The following CNTNAP2 variants were observed in gnomAD, a reference collection of about 807,000 sequenced individuals.
The protein encoded by CNTNAP2 is contactin-associated protein-like 2.
CNTNAP2 carries 98 observed loss-of-function variants against 155.2 expected under a neutral mutation model. That is an observed-to-expected ratio of 0.63 (90% CI 0.54 to 0.75). CNTNAP2 has a LOEUF of 0.75. Among genes scored for constraint, CNTNAP2 ranks in the 30% least tolerant of loss-of-function variants. The probability of loss-of-function intolerance (pLI) is 0.00; values close to 1 mark genes in which losing one functional copy is unlikely to be tolerated. For synonymous variants in CNTNAP2, 651 were observed against 631.2 expected (o/e 1.03, Z -0.47); for missense variants, 1,727 against 1,688.1 (o/e 1.02, Z -0.40).
intron 21 of CNTNAP2, among the ~76,000 whole-genome samples, chr7:148,375,314 TATAAA>T (rs1255607220): frequency 6.8e-6 from 1 of 147,840 alleles, no homozygotes; most frequent in Non-Finnish European, 1.5e-5. Flanking sequence ...AAACTATAAA[TATAAA>T]ATATAAATAT....
chr7:146,842,093 G>T (rs1177890739), intron 3 of CNTNAP2, among the ~76,000 whole-genome samples: 2 of 152,044 alleles, frequency 1.3e-5, no homozygotes, highest in Non-Finnish European at 2.9e-5. Flanking sequence ...CACCAGGTTG[G>T]TCAGTCTGCT....
chr7:148,206,816 G>C (rs759484384), intron 18 of CNTNAP2, among the ~76,000 whole-genome samples: 12 of 152,168 alleles, frequency 7.9e-5, no homozygotes, highest in Non-Finnish European at 1.6e-4. Context: ...GGTGCCTGCT[G>C]TTTCCAGTAC....
intron 9 of CNTNAP2, among the ~76,000 whole-genome samples, chr7:147,302,056 G>GA (rs1794955097): frequency 6.6e-6 from 1 of 152,122 alleles, no homozygotes; most frequent in African/African-American, 2.4e-5. Context: ...ATGAGTAGAC[G>GA]AAAGTCAAAC....
chr7:148,160,410 TAA>T (rs532581576), intron 17 of CNTNAP2, among the ~76,000 whole-genome samples: 29 of 133,394 alleles, frequency 2.2e-4, no homozygotes, highest in Non-Finnish European at 1.6e-4. Context: ...ACCCTAACTC[TAA>T]AAAAAAAAAA....
Position 147,714,255 on chromosome 7 carries a change from T to C in CNTNAP2, c.2098+74949T>C, listed in dbSNP as rs1796449091. On this transcript the variant is annotated intron_variant, in intron 13 of 23. Coordinates refer to ENST00000361727, the MANE Select transcript of CNTNAP2 (RefSeq NM_014141.6). Reference sequence around the variant, plus strand: ...AGGTTCTGGAAGGTTTTTATACTACTGCTAAGGATGAGTGAAGAGGTAAAT... The same window carrying C: ...AGGTTCTGGAAGGTTTTTATACTACCGCTAAGGATGAGTGAAGAGGTAAAT... Among the ~76,000 whole-genome samples the C allele has an allele frequency of 5.3e-5, 8 of 152,184 alleles. No individual in the cohort carries two copies. The South Asian group carries it at 1.7e-3, about 32-fold the overall frequency.
intron 15 of CNTNAP2, among the ~76,000 whole-genome samples, chr7:148,099,629 G>A (rs371173452): frequency 2.0e-5 from 3 of 151,986 alleles, no homozygotes; most frequent in East Asian, 1.9e-4. Context: ...CCTCATCTGC[G>A]TAGTTCCAGG....
At chr7:147,784,722 T>C (rs1797712892) in intron 13 of CNTNAP2, among the ~76,000 whole-genome samples, 1 of 150,740 alleles carries the variant, frequency 6.6e-6, no homozygotes, top group Non-Finnish European at 1.5e-5. Context: ...TATATATAAA[T>C]ATATATGCTG....
chr7:147,983,468 A>T (rs1224738898), intron 15 of CNTNAP2, among the ~76,000 whole-genome samples: 5 of 45,264 alleles, frequency 1.1e-4, no homozygotes, highest in African/African-American at 1.9e-4. Flanking sequence ...AATAAATAAA[A>T]AAGTACCCTG....
At chr7:146,161,857 A>G (rs796237466) in intron 1 of CNTNAP2, among the ~76,000 whole-genome samples, 26 of 152,264 alleles carry the variant, frequency 1.7e-4, no homozygotes, top group African/African-American at 5.8e-4. Context: ...AAATAATACC[A>G]CACATCTACA....
chr7:147,185,784 G>A (rs1285676359), intron 8 of CNTNAP2, among the ~76,000 whole-genome samples: 1 of 152,122 alleles, frequency 6.6e-6, no homozygotes, highest in East Asian at 1.9e-4. Context: ...CCCATGTGTC[G>A]AGGGAGGTAC....
At position 147,962,150 on chromosome 7, in the gene CNTNAP2, C is replaced by T. The variant is rs913482008; in HGVS notation, c.2256-15712C>T. On this transcript the variant is annotated intron_variant, in intron 14 of 23. Transcript: ENST00000361727. Reference sequence around the variant, plus strand: ...GCATTCCCCACCAGACCAGGCAGTGCCTGGAATGTAGTGGACACTCAATAA... The same window carrying T: ...GCATTCCCCACCAGACCAGGCAGTGTCTGGAATGTAGTGGACACTCAATAA... Among the ~76,000 whole-genome samples, 4 of 152,300 alleles carry T rather than the reference C, an allele frequency of 2.6e-5. No individual in the cohort carries two copies. The East Asian group carries it at 7.7e-4, about 29-fold the overall frequency.
intron 13 of CNTNAP2, among the ~76,000 whole-genome samples, chr7:147,869,963 C>T (rs919873410): frequency 6.6e-6 from 1 of 152,016 alleles, no homozygotes; most frequent in African/African-American, 2.4e-5. Flanking sequence ...AAATATTTTG[C>T]TAAGGTTGAG....
intron 22 of CNTNAP2, among the ~76,000 whole-genome samples, chr7:148,395,573 G>T (rs1023852811): frequency 1.3e-5 from 2 of 151,928 alleles, no homozygotes; most frequent in Non-Finnish European, 2.9e-5. Flanking sequence ...GCAGTTGGGG[G>T]TGCGCTCTGT....
intron 1 of CNTNAP2, among the ~76,000 whole-genome samples, chr7:146,129,974 G>C (rs73736896): frequency 0.019 from 2,836 of 152,250 alleles, 76 homozygotes; most frequent in African/African-American, 0.059. Context: ...GGAAAAGACT[G>C]TTCCAAGAAA....
At chr7:146,777,567 T>A (rs1802412052) in intron 2 of CNTNAP2, among the ~76,000 whole-genome samples, 4 of 138,528 alleles carry the variant, frequency 2.9e-5, no homozygotes, top group African/African-American at 8.0e-5. Flanking sequence ...AATACAAAAC[T>A]TTTTTTTTTT....
At chr7:146,687,758 C>T (rs1468204955) in intron 1 of CNTNAP2, among the ~76,000 whole-genome samples, 1 of 151,976 alleles carries the variant, frequency 6.6e-6, no homozygotes, top group Non-Finnish European at 1.5e-5. Context: ...ACAATGCAAC[C>T]AGGAGGGGCG....
intron 1 of CNTNAP2, among the ~76,000 whole-genome samples, chr7:146,371,978 A>C (rs939613418): frequency 5.9e-5 from 9 of 151,906 alleles, no homozygotes; most frequent in African/African-American, 1.7e-4. Context: ...AAAAGAAAAA[A>C]TTGCATATAT....
chr7:147,427,134 T>C (rs546249731), intron 10 of CNTNAP2, among the ~76,000 whole-genome samples: 3 of 152,234 alleles, frequency 2.0e-5, no homozygotes, highest in African/African-American at 7.2e-5. Flanking sequence ...GAATGCAGTC[T>C]CCTCACATGG....
chr7:147,963,561 T>C (rs1801150641), intron 14 of CNTNAP2, among the ~76,000 whole-genome samples: 1 of 152,106 alleles, frequency 6.6e-6, no homozygotes, highest in African/African-American at 2.4e-5. Flanking sequence ...AACAGTCACG[T>C]TGAGGAACAG....
Sources: gnomAD v4.1 joint callset for allele counts (sites outside exome capture counted in the v4.1 genomes callset) on GRCh38, gnomAD v4.1.1 for gene constraint, MANE v1.5 for transcripts, NCBI Gene and HGNC (gene_info 2026-07-23, HGNC 2026-07-21) for gene names.